ASTN2: variants seen among roughly 807,000 people sequenced by gnomAD.
ASTN2 encodes the protein astrotactin-2.
ASTN2 carries 54 observed loss-of-function variants against 139.8 expected under a neutral mutation model. That is an observed-to-expected ratio of 0.39 (90% CI 0.31 to 0.48). The LOEUF (loss-of-function observed/expected upper bound fraction) is 0.48. Among genes scored for constraint, ASTN2 ranks in the 20% least tolerant of loss-of-function variants. The pLI, the probability that ASTN2 is intolerant of heterozygous loss-of-function variation, is 0.95. For missense variants in ASTN2, 1,565 were observed against 1,725.1 expected, an observed-to-expected ratio of 0.91 and a Z score of 1.64; for synonymous variants, 756 against 719.5, an observed-to-expected ratio of 1.05 and a Z score of -0.81.
intron 19 of ASTN2, chr9:116,579,037 TA>T (rs1853843875): frequency 6.6e-6 from 1 of 150,796 alleles, no homozygotes; most frequent in Non-Finnish European, 1.5e-5. Context: ...ATTCTCAAAA[TA>T]GTAGAGTCGA....
At chr9:116,803,503 TATATATATATATATA>T (rs1830933881) in intron 13 of ASTN2, among the ~76,000 whole-genome samples, 4 of 6,486 alleles carry the variant, frequency 6.2e-4, no homozygotes, top group South Asian at 5.6e-3. Flanking sequence ...TATATATATA[TATATATATATATATA>T]TATATTTTTT....
intron 11 of ASTN2, among the ~76,000 whole-genome samples, chr9:116,821,138 C>T (rs1050987812): frequency 6.6e-6 from 1 of 152,144 alleles, no homozygotes; most frequent in Non-Finnish European, 1.5e-5. Context: ...ATTGTTTCTA[C>T]TGTTATTGCC....
At chr9:117,277,239 G>A (rs1834214994) in intron 2 of ASTN2, 1 of 152,200 alleles carries the variant, frequency 6.6e-6, no homozygotes, top group African/African-American at 2.4e-5. Flanking sequence ...GTAAGTTTAT[G>A]ATTCTCCACC....
chr9:117,343,758 C>T (rs1829129551), intron 1 of ASTN2, among the ~76,000 whole-genome samples: 1 of 152,116 alleles, frequency 6.6e-6, no homozygotes, highest in Non-Finnish European at 1.5e-5. Context: ...AGTTCTATAC[C>T]AGCTTTATGT....
At chr9:117,210,726 T>C (rs542584155) in intron 3 of ASTN2, among the ~76,000 whole-genome samples, 1 of 152,182 alleles carries the variant, frequency 6.6e-6, no homozygotes, top group East Asian at 1.9e-4. Context: ...ATCACCCTGA[T>C]ACTAAAACCA....
intron 19 of ASTN2, among the ~76,000 whole-genome samples, chr9:116,526,936 A>G (rs1021149760): frequency 2.6e-5 from 4 of 152,216 alleles, no homozygotes; most frequent in Non-Finnish European, 5.9e-5. Context: ...CCAAGAATAC[A>G]CAACAGAGAA....
intron 19 of ASTN2, among the ~76,000 whole-genome samples, chr9:116,496,496 T>A (rs921821576): frequency 2.0e-5 from 3 of 152,100 alleles, no homozygotes; most frequent in African/African-American, 7.2e-5. Flanking sequence ...TATAAAGGTA[T>A]ATCTTCAAGT....
At chr9:117,314,324 G>A (rs1828067164) in intron 1 of ASTN2, among the ~76,000 whole-genome samples, 1 of 151,838 alleles carries the variant, frequency 6.6e-6, no homozygotes, top group South Asian at 2.1e-4. Context: ...GTCTGCATTA[G>A]CAATGAAGAC....
intron 13 of ASTN2, among the ~76,000 whole-genome samples, chr9:116,747,000 G>A (rs1021734899): frequency 9.2e-5 from 14 of 152,286 alleles, no homozygotes; most frequent in Admixed American, 9.1e-4. Flanking sequence ...GTGGTACCGC[G>A]ATCTCCCTCC....
chr9:116,926,092 TC>T (rs1216209844), intron 10 of ASTN2, among the ~76,000 whole-genome samples: 8 of 152,140 alleles, frequency 5.3e-5, no homozygotes, highest in Non-Finnish European at 1.0e-4. Context: ...GTGCATGCCA[TC>T]CCATCCTGGC....
intron 19 of ASTN2, among the ~76,000 whole-genome samples, chr9:116,600,999 C>G (rs1285544082): frequency 3.3e-5 from 5 of 152,150 alleles, no homozygotes; most frequent in Admixed American, 3.3e-4. Flanking sequence ...TTTGGAGAAG[C>G]TAATATTTTA....
At chr9:117,265,244 T>A (rs1447348897) in intron 2 of ASTN2, among the ~76,000 whole-genome samples, 1 of 152,100 alleles carries the variant, frequency 6.6e-6, no homozygotes, top group Non-Finnish European at 1.5e-5. Flanking sequence ...AAGAATAGTT[T>A]ATAAAGCCAG....
At chr9:117,113,067 T>C (rs949503654) in intron 4 of ASTN2, among the ~76,000 whole-genome samples, 3 of 152,178 alleles carry the variant, frequency 2.0e-5, no homozygotes, top group African/African-American at 7.2e-5. Flanking sequence ...AATGGCTAAA[T>C]TTTAAAAAGA....
intron 13 of ASTN2, among the ~76,000 whole-genome samples, chr9:116,738,774 C>T (rs1829013962): frequency 1.3e-5 from 2 of 152,306 alleles, no homozygotes; most frequent in East Asian, 1.9e-4. Context: ...GTGGCCAAGA[C>T]CGCATTCTAA....
chr9:116,927,084 A>AAG (rs1367316214), intron 10 of ASTN2, among the ~76,000 whole-genome samples: 1 of 152,232 alleles, frequency 6.6e-6, no homozygotes, highest in Non-Finnish European at 1.5e-5. Flanking sequence ...TGAGAAGGCT[A>AAG]AGGAGGAGTA....
intron 19 of ASTN2, among the ~76,000 whole-genome samples, chr9:116,509,303 A>C (rs954374352): frequency 3.3e-5 from 5 of 152,246 alleles, no homozygotes; most frequent in African/African-American, 1.2e-4. Context: ...ATGATGGTTT[A>C]TAGCTTCATC....
At chr9:116,886,776 C>T (rs116936087) in intron 10 of ASTN2, among the ~76,000 whole-genome samples, 2,130 of 152,208 alleles carry the variant, frequency 0.014, 24 homozygotes, top group Non-Finnish European at 0.022. Flanking sequence ...AGGTACTGCT[C>T]TAGGTGCAGC....
intron 1 of ASTN2, among the ~76,000 whole-genome samples, chr9:117,398,867 C>T (rs1450830211): frequency 3.9e-5 from 6 of 152,282 alleles, no homozygotes; most frequent in African/African-American, 1.2e-4. Flanking sequence ...CTGCAGCCTC[C>T]GCCTCCCGGG....
chr9:117,320,127 GATT>G (rs1290884627), intron 1 of ASTN2, among the ~76,000 whole-genome samples: 1 of 152,184 alleles, frequency 6.6e-6, no homozygotes, highest in Admixed American at 6.5e-5. Flanking sequence ...TGATCTTAGA[GATT>G]ATTATTATTT....
Sources: allele counts gnomAD v4.1 joint callset (sites outside exome capture counted in the v4.1 genomes callset), GRCh38; gene constraint gnomAD v4.1.1; transcripts MANE v1.5; gene names NCBI Gene and HGNC (gene_info 2026-07-23, HGNC 2026-07-21).